SPEF2: variants seen among roughly 807,000 people sequenced by gnomAD.
SPEF2 encodes sperm flagella and cilia-associated protein 2.
Under a neutral mutation model 224.6 loss-of-function variants are expected in SPEF2, and 187 were observed. That is an observed-to-expected ratio of 0.83 (90% CI 0.74 to 0.94). SPEF2 has a LOEUF of 0.94. Ranked by LOEUF, SPEF2 falls within the 40% of genes least tolerant of loss-of-function variation. SPEF2 has a pLI of 0.00. For synonymous variants in SPEF2, 715 were observed against 707.3 expected, an observed-to-expected ratio of 1.01 and a Z score of -0.17; for missense variants, 2,170 against 2,135.6, an observed-to-expected ratio of 1.02 and a Z score of -0.32.
At chr5:35,704,780 G>A in intron 17 of SPEF2, 118 bp downstream of exon 17, 3 of 672,490 alleles carry the variant, frequency 4.5e-6, no homozygotes, top group East Asian at 2.9e-5. Context: ...ATCTTTTACA[G>A]GTAAAAGAAG....
At chr5:35,793,949 A>G (rs888863175) in intron 32 of SPEF2, among the ~76,000 whole-genome samples, 63 of 152,374 alleles carry the variant, frequency 4.1e-4, no homozygotes, top group African/African-American at 1.5e-3. Flanking sequence ...TTATGAATGT[A>G]TGAGATCACT....
intron 30 of SPEF2, among the ~76,000 whole-genome samples, chr5:35,780,220 G>A (rs538419287): frequency 5.9e-5 from 9 of 152,236 alleles, no homozygotes; most frequent in Middle Eastern, 3.4e-3. Context: ...TTTCCCTGTA[G>A]CATAGTCAAC....
chr5:35,779,139 G>T lies in SPEF2; in HGVS notation c.4240G>T (p.Ala1414Ser), dbSNP rs904214829. ...MASTEKLTDV[A>S]RYHIETSTKI... ...CAGTACAGAAAAATTAACTGACGTA[G>T]CTCGCTATCACATTGAAACATCTAC... The change falls in exon 30 of 37, where the codon GCT becomes TCT. Residue 1414 changes from alanine (A) to serine (S), a missense_variant. Ala to Ser is a moderately conservative substitution (Grantham distance 99). Transcript: ENST00000356031. 6.2e-7 allele frequency: 1 copy of T among 1,613,258 alleles called. No individual in the cohort carries two copies. The highest frequency in any genetic ancestry group is 2.2e-5 in the East Asian group (1 of 44,856).
chr5:35,751,038 CATATGTATATATAT>C, intron 23 of SPEF2, among the ~76,000 whole-genome samples: 2 of 27,240 alleles, frequency 7.3e-5, no homozygotes, highest in Non-Finnish European at 1.6e-4. Flanking sequence ...TATATATACA[CATATGTATATATAT>C]ATACGTATAT....
intron 21 of SPEF2, among the ~76,000 whole-genome samples, chr5:35,733,046 A>G (rs970173896): frequency 9.9e-5 from 15 of 152,178 alleles, no homozygotes; most frequent in African/African-American, 2.9e-4. Flanking sequence ...GGGTCTGGGA[A>G]CATATCCCCC....
chr5:35,780,510 C>T (rs567418443), intron 30 of SPEF2, among the ~76,000 whole-genome samples: 13 of 152,170 alleles, frequency 8.5e-5, no homozygotes, highest in East Asian at 5.8e-4. Context: ...CATTTGGGCA[C>T]GAAGGAAACA....
intron 32 of SPEF2, among the ~76,000 whole-genome samples, chr5:35,793,720 T>C (rs1007449766): frequency 2.2e-5 from 3 of 133,898 alleles, no homozygotes; most frequent in African/African-American, 8.4e-5. Flanking sequence ...GAAAGAACAG[T>C]GGTTAAAACA....
chr5:35,646,979 A>G (rs1747463689), intron 5 of SPEF2, among the ~76,000 whole-genome samples, 172 bp downstream of exon 5: 1 of 152,184 alleles, frequency 6.6e-6, no homozygotes, highest in Admixed American at 6.5e-5. Flanking sequence ...AACTTATTTT[A>G]TATTGTTATT....
Position 35,806,746 on chromosome 5 carries a change from G to A in SPEF2, c.5050G>A (p.Glu1684Lys), listed in dbSNP as rs760490003. 4 of 1,613,928 alleles carry A rather than the reference G, an allele frequency of 2.5e-6. No homozygotes were observed. In the East Asian group the frequency reaches 8.9e-5, roughly 36 times the overall value. The change falls in exon 35 of 37, where the codon GAA becomes AAA. Residue 1684 changes from glutamate to lysine, a missense_variant. By Grantham distance (56) the Glu-to-Lys change is moderately conservative. Transcript: ENST00000356031. ...TDAGPAEEFP[E>K]PEENAAREER... ...TGCAGGTCCAGCTGAGGAATTTCCT[G>A]AACCTGAGGAAAATGCTGCAAGAGA... is the stretch of plus-strand genomic sequence containing the variant.
intron 10 of SPEF2, among the ~76,000 whole-genome samples, chr5:35,676,507 T>G (rs1191366194): frequency 6.6e-6 from 1 of 152,100 alleles, no homozygotes; most frequent in African/African-American, 2.4e-5. Flanking sequence ...GGCAGGCAGA[T>G]CACTTGAGGT....
At chr5:35,698,467 A>G (rs1755648037) in intron 15 of SPEF2, 1 of 152,364 alleles carries the variant, frequency 6.6e-6, no homozygotes, top group Non-Finnish European at 1.5e-5. Flanking sequence ...CATTTCCCAG[A>G]AGTGGCGATA....
chr5:35,696,653 G>T lies in SPEF2; in HGVS notation c.2037+857G>T, dbSNP rs185863372. Among the ~76,000 whole-genome samples, 15 of 152,238 alleles carry T rather than the reference G, an allele frequency of 9.9e-5. No individual in the cohort carries two copies. In the East Asian group the frequency reaches 2.9e-3, roughly 29 times the overall value. ...AAAGACAGGATTTCCTGCCCTTATG[G>T]TGTTTACATTCTAATGGAGAGAGAC... On this transcript the variant is annotated intron_variant, in intron 14 of 36. Transcript: ENST00000356031.
At position 35,704,679 on chromosome 5, in the gene SPEF2, A is replaced by G. The variant is rs747636885; in HGVS notation, c.2507+17A>G. The stretch of plus-strand genomic sequence containing the variant: ...ACAACATAGGTTAGTTTTTAACTAA[A>G]TGCTCTGCTTCTTGTTTCATGCTTT... On this transcript the variant is annotated intron_variant, in intron 17 of 36. Transcript: ENST00000356031. 7.3e-7 allele frequency: 1 copy of G among 1,375,390 alleles called. No homozygotes were observed. The highest frequency in any genetic ancestry group is 1.7e-5 in the Admixed American group (1 of 58,342). 85.2% of individuals were successfully genotyped at this position (1,375,390 alleles called of 1,614,324 possible). A position where few individuals can be genotyped will look rare whatever the true frequency, so the allele number is the denominator to read the frequency against.
At chr5:35,786,057 C>T (rs1755071401) in intron 30 of SPEF2, among the ~76,000 whole-genome samples, 1 of 152,210 alleles carries the variant, frequency 6.6e-6, no homozygotes, top group African/African-American at 2.4e-5. Context: ...TCTAGCTTAA[C>T]CACTACAGCC....
chr5:35,742,650 G>A (rs1747844974), intron 23 of SPEF2, among the ~76,000 whole-genome samples: 1 of 151,654 alleles, frequency 6.6e-6, no homozygotes, highest in African/African-American at 2.4e-5. Context: ...TAAGTTTAAT[G>A]GTCATTTATT....
At chr5:35,692,796 G>C in intron 12 of SPEF2, 72 bp downstream of exon 12, 1 of 1,460,738 alleles carries the variant, frequency 6.8e-7, no homozygotes, top group Non-Finnish European at 9.3e-7. Flanking sequence ...AATTTAAAAG[G>C]TCTTCTCTAG....
rs562511064 is a variant in SPEF2 at position 35,807,549 on chromosome 5, A to G, written c.5379+296A>G. The G allele has an allele frequency of 6.5e-6, 8 of 1,223,346 alleles. No individual in the cohort carries two copies. The South Asian group carries it at 9.2e-5, about 14-fold the overall frequency. The allele number at this position is 1,223,346 out of a possible 1,614,324, so 75.8% of individuals were successfully genotyped here. Reference sequence around the variant, plus strand: ...CCTAGCCTGTGATTGAAGGGTTTGGAGAATAAGATTCCTCCTGCCAAAGAG... The same window carrying G: ...CCTAGCCTGTGATTGAAGGGTTTGGGGAATAAGATTCCTCCTGCCAAAGAG... On this transcript the variant is annotated intron_variant, in intron 36 of 36. Coordinates refer to ENST00000356031, the MANE Select transcript of SPEF2 (RefSeq NM_024867.4).
intron 30 of SPEF2, chr5:35,790,373 A>G: frequency 1.9e-6 from 1 of 521,036 alleles, no homozygotes. Flanking sequence ...GTGATTAGCA[A>G]TATGCAAATG....
chr5:35,689,085 A>G (rs1231472069), intron 10 of SPEF2, among the ~76,000 whole-genome samples: 1 of 152,156 alleles, frequency 6.6e-6, no homozygotes, highest in Admixed American at 6.5e-5. Context: ...AAACATTTAC[A>G]TTTCTGTTCA....
Sources: allele counts gnomAD v4.1 joint callset (sites outside exome capture counted in the v4.1 genomes callset), GRCh38; gene constraint gnomAD v4.1.1; transcripts MANE v1.5; gene names NCBI Gene and HGNC (gene_info 2026-07-23, HGNC 2026-07-21).